AGXT: variants seen among roughly 807,000 people sequenced by gnomAD.
The protein encoded by AGXT is alanine--glyoxylate aminotransferase, also known as L-alanine: glyoxylate aminotransferase 1.
In AGXT, 41 loss-of-function variants were observed where a neutral mutation model predicts 46.9. The ratio of observed to expected loss-of-function variants is 0.88; its 90% CI spans 0.68 to 1.14. AGXT has a LOEUF of 1.14. Among genes scored for constraint, AGXT ranks in the 50% most tolerant of loss-of-function variants. AGXT has a pLI of 0.00. For synonymous variants in AGXT, 244 were observed against 227.9 expected (o/e 1.07, Z -0.64); for missense variants, 525 against 522.7 (o/e 1.00, Z -0.04).
In AGXT at chr2:240,875,188, G is replaced by A. The variant is rs1464426447; in HGVS notation, c.760G>A (p.Asp254Asn). Reference protein sequence around the residue: ...IKWLANFWGCDDQPRMYHHTI... With the variant: ...IKWLANFWGCNDQPRMYHHTI... ...GTGGCTGGCCAACTTCTGGGGCTGT[G>A]ACGACCAGCCCAGGATGTGAGGCCT... The change falls in exon 7 of 11, where the codon GAC becomes AAC. Residue 254 changes from aspartate (D) to asparagine (N), a missense_variant. Transcript: ENST00000307503. 3 of 1,613,192 alleles carry A rather than the reference G, an allele frequency of 1.9e-6. No homozygotes were observed. Among genetic ancestry groups the A allele is most frequent in the Non-Finnish European group, 2.5e-6 (3 of 1,179,310 alleles).
rs749577985 is a variant in AGXT, at chr2:240,874,058, G to A, written c.676G>A (p.Ala226Thr). ...GTSLISFSDK[A>T]KKKMYSRKTK... ...CTCGCTCATCTCCTTCAGTGACAAG[G>A]CCAAGTGAGTGACCCACAGACCCTC... Residue 226 changes from alanine (A) to threonine (T), a missense_variant, in exon 6 of 11, where the codon GCC becomes ACC. Physicochemically the swap from Ala to Thr is moderately conservative, Grantham distance 58 (BLOSUM62 0). Transcript: ENST00000307503. 6.2e-6 allele frequency: 10 copies of A among 1,613,360 alleles called. No individual in the cohort carries two copies. Among genetic ancestry groups the A allele is most frequent in the Non-Finnish European group, 8.5e-6 (10 of 1,179,922 alleles).
At chr2:240,871,894 G>A (rs2058992863) in intron 4 of AGXT, among the ~76,000 whole-genome samples, 1 of 152,266 alleles carries the variant, frequency 6.6e-6, no homozygotes, top group Non-Finnish European at 1.5e-5. Flanking sequence ...TGCGGACAGA[G>A]CCCCTTGGGA....
At chr2:240,873,209 G>A (rs1322814625) in intron 5 of AGXT, 160 bp downstream of exon 5, 13 of 645,194 alleles carry the variant, frequency 2.0e-5, no homozygotes, top group South Asian at 3.7e-5. Flanking sequence ...CGGCAAGAGC[G>A]GCTCCATGAA....
Position 240,879,097 on chromosome 2 carries a change from A to C in AGXT, c.*276A>C. Reference sequence around the variant, plus strand: ...ATGAGCCTCCCGGGAATGTTTAATAAAGGGCCTGGCCAACTCTCCTCACTG... The same window carrying C: ...ATGAGCCTCCCGGGAATGTTTAATACAGGGCCTGGCCAACTCTCCTCACTG... On this transcript the variant is annotated 3_prime_UTR_variant, in exon 11 of 11. Coordinates refer to ENST00000307503, the MANE Select transcript of AGXT (RefSeq NM_000030.3). The C allele has an allele frequency of 2.2e-5, 12 of 550,754 alleles. No homozygotes were observed. Among genetic ancestry groups the C allele is most frequent in the East Asian group, 6.3e-5 (2 of 31,888 alleles). 34.1% of individuals were successfully genotyped at this position (550,754 alleles called of 1,614,324 possible). A position where few individuals can be genotyped will look rare whatever the true frequency, so the allele number is the denominator to read the frequency against.
At chr2:240,873,103 G>C (rs763896828) in intron 5 of AGXT, 54 bp downstream of exon 5, 2 of 1,496,238 alleles carry the variant, frequency 1.3e-6, no homozygotes, top group Non-Finnish European at 1.9e-6. Flanking sequence ...GGGGCTCCGC[G>C]TGCAGGAAGC....
intron 8 of AGXT, chr2:240,876,997 C>T: frequency 3.9e-6 from 1 of 253,360 alleles, no homozygotes. Flanking sequence ...TCCGGGGACC[C>T]ACCTGGGGTG....
At chr2:240,869,831 TAC>T (rs2058981874) in intron 2 of AGXT, among the ~76,000 whole-genome samples, 1 of 151,944 alleles carries the variant, frequency 6.6e-6, no homozygotes, top group Non-Finnish European at 1.5e-5. Context: ...GCCTCCGGAG[TAC>T]ACTTTTCTGG....
rs180177253 is a variant in AGXT at position 240,874,035 on chromosome 2, C to T, written c.653C>T (p.Ser218Leu). ...QKALNAPPGT[S>L]LISFSDKAKK... is the part of the protein sequence containing the mutation. ...GCCCTGAACGCCCCTCCAGGGACCTCGCTCATCTCCTTCAGTGACAAGGCC... is the reference window on the plus strand; with the variant it reads ...GCCCTGAACGCCCCTCCAGGGACCTTGCTCATCTCCTTCAGTGACAAGGCC... Residue 218 changes from serine (S) to leucine (L), a missense_variant, in exon 6 of 11, where the codon TCG becomes TTG. Coordinates refer to ENST00000307503, the MANE Select transcript of AGXT (RefSeq NM_000030.3). 3.1e-6 allele frequency: 5 copies of T among 1,613,612 alleles called. No homozygotes were observed. In the African/African-American group the frequency reaches 4.0e-5, roughly 13 times the overall value.
intron 4 of AGXT, among the ~76,000 whole-genome samples, chr2:240,872,539 C>T (rs2058998082): frequency 6.6e-6 from 1 of 152,026 alleles, no homozygotes; most frequent in Non-Finnish European, 1.5e-5. Flanking sequence ...GGGACTCTGT[C>T]CCCTCTGGCC....
At chr2:240,872,320 C>T (rs2058995520) in intron 4 of AGXT, among the ~76,000 whole-genome samples, 3 of 125,896 alleles carry the variant, frequency 2.4e-5, no homozygotes, top group Admixed American at 2.3e-4. Context: ...AGTTCGTGAA[C>T]ATGGAGGAGG....
Position 240,875,141 on chromosome 2 carries a change from T to TC in AGXT, c.714dup (p.Ser239LeufsTer16). On this transcript the variant is annotated frameshift_variant, in exon 7 of 11. Coordinates refer to ENST00000307503, the MANE Select transcript of AGXT (RefSeq NM_000030.3). LOFTEE classifies it high-confidence loss of function. ...ATGTACTCCCGCAAGACGAAGCCCTTCTCCTTCTACCTGGACATCAAGTGG... is the reference window on the plus strand; with the variant it reads ...ATGTACTCCCGCAAGACGAAGCCCTTCCTCCTTCTACCTGGACATCAAGTGG... The TC allele has an allele frequency of 6.2e-7, 1 of 1,613,796 alleles. No homozygotes were observed. The highest frequency in any genetic ancestry group is 1.7e-5 in the Admixed American group (1 of 60,018).
At chr2:240,873,601 T>A (rs2059003412) in intron 5 of AGXT, 4 of 318,028 alleles carry the variant, frequency 1.3e-5, no homozygotes, top group Non-Finnish European at 2.4e-5. Flanking sequence ...AGCCTGTCTG[T>A]TTCTGCAGAG....
At chr2:240,877,692 G>T (rs2059034802) in intron 9 of AGXT, 60 bp downstream of exon 9, 13 of 1,513,398 alleles carry the variant, frequency 8.6e-6, no homozygotes, top group Non-Finnish European at 1.1e-5. Flanking sequence ...AGGGGCTCTT[G>T]CCCAGCCCCC....
intron 2 of AGXT, 120 bp downstream of exon 2, chr2:240,869,482 C>T (rs994779335): frequency 4.0e-6 from 5 of 1,237,266 alleles, no homozygotes; most frequent in Non-Finnish European, 4.4e-6. Context: ...CCTTGTGGCC[C>T]TGTGCGCACG....
At chr2:240,871,169 A>G in intron 3 of AGXT, 180 bp from the exon 4 acceptor site, 1 of 647,792 alleles carries the variant, frequency 1.5e-6, no homozygotes, top group Non-Finnish European at 2.8e-6. Flanking sequence ...CTGTTCTTGG[A>G]AAAGCCCTTG....
chr2:240,878,842 T>C lies in AGXT; in HGVS notation c.*21T>C. The C allele has an allele frequency of 6.4e-7, 1 of 1,562,202 alleles. No homozygotes were observed. Among genetic ancestry groups the C allele is most frequent in the Non-Finnish European group, 8.7e-7 (1 of 1,154,208 alleles). ...TGTGACCTGCCCACTGGCACACAGC[T>C]GGCACTGGCACACACCTGTCCCATG... On this transcript the variant is annotated 3_prime_UTR_variant, in exon 11 of 11. Transcript: ENST00000307503.
chr2:240,869,122 T>C (rs764228128), intron 1 of AGXT, 48 bp from the exon 2 acceptor site: 9 of 1,563,718 alleles, frequency 5.8e-6, no homozygotes, highest in Non-Finnish European at 7.8e-6. Flanking sequence ...GCCTCCTCAC[T>C]TGGGGAGGCG....
In AGXT at chr2:240,878,931, G is replaced by A. The variant is rs1396390819; in HGVS notation, c.*110G>A. ...GTCCTCCAGGCCTGGGGACAGGAAA[G>A]CCACTGACCCAGCCCGGGAGGCAGA... is the stretch of plus-strand genomic sequence containing the variant. On this transcript the variant is annotated 3_prime_UTR_variant, in exon 11 of 11. Coordinates refer to ENST00000307503, the MANE Select transcript of AGXT (RefSeq NM_000030.3). 6.0e-6 allele frequency: 7 copies of A among 1,174,434 alleles called. No homozygotes were observed. Among genetic ancestry groups the A allele is most frequent in the Non-Finnish European group, 8.6e-6 (7 of 816,912 alleles). The allele number at this position is 1,174,434 out of a possible 1,614,324, so 72.8% of individuals were successfully genotyped here.
intron 2 of AGXT, 78 bp from the exon 3 acceptor site, chr2:240,870,566 C>G: frequency 1.3e-6 from 2 of 1,498,466 alleles, no homozygotes; most frequent in Non-Finnish European, 1.8e-6. Context: ...GGGCCCTGCT[C>G]AGCAGGGCCA....
Sources: allele counts gnomAD v4.1 joint callset (sites outside exome capture counted in the v4.1 genomes callset), GRCh38; gene constraint gnomAD v4.1.1; transcripts MANE v1.5; gene names NCBI Gene and HGNC (gene_info 2026-07-23, HGNC 2026-07-21).